CNTNAP4: variants seen among roughly 807,000 people sequenced by gnomAD.
CNTNAP4 encodes the protein contactin associated protein family member 4.
In CNTNAP4, 98 loss-of-function variants were observed where a neutral mutation model predicts 148.4. The ratio of observed to expected loss-of-function variants is 0.66; its 90% CI spans 0.56 to 0.78. CNTNAP4 has a LOEUF of 0.78. CNTNAP4 is among the 30% of genes least tolerant of loss of function. The probability of loss-of-function intolerance (pLI) is 0.00; values close to 1 mark genes in which losing one functional copy is unlikely to be tolerated. For synonymous variants in CNTNAP4, 730 were observed against 565.1 expected (o/e 1.29, Z -4.14); for missense variants, 1,935 against 1,565.6 (o/e 1.24, Z -3.98).
chr16:76,498,849 A>T (rs1231233673), intron 15 of CNTNAP4, among the ~76,000 whole-genome samples, 155 bp downstream of exon 15: 1 of 152,190 alleles, frequency 6.6e-6, no homozygotes. Context: ...AGGTGCCTTT[A>T]GTAGTCAAAT....
chr16:76,382,915 T>A (rs1456717517), intron 3 of CNTNAP4, among the ~76,000 whole-genome samples: 1 of 152,208 alleles, frequency 6.6e-6, no homozygotes, highest in Non-Finnish European at 1.5e-5. Context: ...GTGGTTAATT[T>A]GAAAAGAATT....
At chr16:76,478,286 T>C (rs189983525) in intron 11 of CNTNAP4, among the ~76,000 whole-genome samples, 67 of 152,314 alleles carry the variant, frequency 4.4e-4, no homozygotes, top group African/African-American at 1.6e-3. Flanking sequence ...CATATGCATA[T>C]GTACATAGAA....
chr16:76,451,609 G>GTGTGTGTGTGTGTT (rs1162468751), intron 7 of CNTNAP4, among the ~76,000 whole-genome samples: 1 of 150,994 alleles, frequency 6.6e-6, no homozygotes, highest in Non-Finnish European at 1.5e-5. Context: ...ATGTGTGTGT[G>GTGTGTGTGTGTGTT]TGTGTGTGTG....
intron 4 of CNTNAP4, among the ~76,000 whole-genome samples, chr16:76,445,428 C>G (rs1339657943): frequency 6.6e-6 from 1 of 152,070 alleles, no homozygotes; most frequent in Non-Finnish European, 1.5e-5. Flanking sequence ...CACACTGATT[C>G]AAACGTGATG....
chr16:76,282,015 T>C (rs1370078216), intron 1 of CNTNAP4, among the ~76,000 whole-genome samples: 1 of 151,900 alleles, frequency 6.6e-6, no homozygotes, highest in East Asian at 1.9e-4. Context: ...TCTGGCACTT[T>C]ATATAAAAAG....
chr16:76,509,291 T>C lies in CNTNAP4; in HGVS notation c.2365+10597T>C, dbSNP rs2082932245. Among the ~76,000 whole-genome samples the C allele has an allele frequency of 2.1e-5, 2 of 96,632 alleles. 1 individual carries two copies. The highest frequency in any genetic ancestry group is 5.9e-5 in the Non-Finnish European group (2 of 34,074). The allele number at this position is 96,632 out of a possible 152,430, so 63.4% of individuals were successfully genotyped here. On this transcript the variant is annotated intron_variant, in intron 15 of 23. Coordinates refer to ENST00000611870, the MANE Select transcript of CNTNAP4 (RefSeq NM_033401.5). ...GGAGCTAAGCAGTATCCCTGGTTCC[T>C]ACCCAAGAGATGCCAGTAGCATCCT...
chr16:76,420,230 G>T (rs1032960674), intron 3 of CNTNAP4, among the ~76,000 whole-genome samples: 2 of 151,770 alleles, frequency 1.3e-5, no homozygotes, highest in Non-Finnish European at 2.9e-5. Context: ...TTAGAATAAT[G>T]TATATTCTGT....
intron 10 of CNTNAP4, among the ~76,000 whole-genome samples, chr16:76,470,262 A>C (rs2081316460): frequency 6.6e-6 from 1 of 151,992 alleles, no homozygotes. Context: ...CTCTGGGTGC[A>C]AGTTAACATT....
intron 3 of CNTNAP4, among the ~76,000 whole-genome samples, chr16:76,363,028 C>T (rs540357976): frequency 7.9e-5 from 12 of 151,168 alleles, no homozygotes; most frequent in Admixed American, 4.6e-4. Context: ...CAAGACCAGC[C>T]TGGGCAATAT....
At chr16:76,542,666 T>G (rs4888521) in intron 21 of CNTNAP4, among the ~76,000 whole-genome samples, 6,828 of 152,188 alleles carry the variant, frequency 0.045, 344 homozygotes, top group East Asian at 0.27. Flanking sequence ...TTGCTGAACA[T>G]CAGGCTCACA....
At chr16:76,417,431 C>T (rs1420597425) in intron 3 of CNTNAP4, among the ~76,000 whole-genome samples, 2 of 151,332 alleles carry the variant, frequency 1.3e-5, no homozygotes, top group Admixed American at 6.6e-5. Context: ...ATTAATAATA[C>T]TATTCTACTT....
chr16:76,451,714 C>G (rs931462939), intron 7 of CNTNAP4, among the ~76,000 whole-genome samples: 1 of 150,998 alleles, frequency 6.6e-6, no homozygotes, highest in African/African-American at 2.4e-5. Context: ...TGCTGGTAAG[C>G]TATCATGCAG....
intron 9 of CNTNAP4, 87 bp from the exon 10 acceptor site, chr16:76,467,265 C>T: frequency 3.4e-6 from 4 of 1,192,878 alleles, no homozygotes; most frequent in South Asian, 2.8e-5. Flanking sequence ...TCATATGCCT[C>T]TTTCTTTTAT....
rs36032543 is a variant in CNTNAP4, at chr16:76,336,032, GA to G, written c.197-19283del. On this transcript the variant is annotated intron_variant, in intron 2 of 23. Coordinates refer to ENST00000611870, the MANE Select transcript of CNTNAP4 (RefSeq NM_033401.5). ...CCTAGGACTAACTCCAGGGTTGATG[GA>G]AAGGTAGACAAATCCCTGTAGGCAT... Among the ~76,000 whole-genome samples the G allele has an allele frequency of 3.8e-3, 575 of 152,258 alleles. 4 individuals carry two copies. Among genetic ancestry groups the G allele is most frequent in the African/African-American group, 0.013 (543 of 41,562 alleles).
intron 10 of CNTNAP4, among the ~76,000 whole-genome samples, chr16:76,472,942 C>A (rs2081426042): frequency 6.6e-6 from 1 of 152,022 alleles, no homozygotes; most frequent in Non-Finnish European, 1.5e-5. Context: ...TCATAAGTTA[C>A]CCCTGAACTT....
intron 3 of CNTNAP4, among the ~76,000 whole-genome samples, chr16:76,371,277 C>A (rs1047004076): frequency 6.6e-6 from 1 of 151,894 alleles, no homozygotes; most frequent in African/African-American, 2.4e-5. Flanking sequence ...CATCTGTTTT[C>A]GTTTTTTGTT....
intron 10 of CNTNAP4, among the ~76,000 whole-genome samples, chr16:76,468,551 G>A (rs150150577): frequency 5.3e-5 from 8 of 152,140 alleles, no homozygotes; most frequent in Non-Finnish European, 1.2e-4. Context: ...GCAGTGGTGC[G>A]ATCGTAGCTC....
At chr16:76,375,154 G>A (rs964321662) in intron 3 of CNTNAP4, among the ~76,000 whole-genome samples, 1 of 152,176 alleles carries the variant, frequency 6.6e-6, no homozygotes, top group African/African-American at 2.4e-5. Flanking sequence ...AGGTGCAGTG[G>A]CTCATGCCTG....
At chr16:76,425,450 C>T (rs1296028388) in intron 3 of CNTNAP4, among the ~76,000 whole-genome samples, 8 of 152,060 alleles carry the variant, frequency 5.3e-5, no homozygotes, top group Non-Finnish European at 2.9e-5. Context: ...CTAGGTGTTA[C>T]GGATGGAACA....
Sources: gnomAD v4.1 joint callset for allele counts (sites outside exome capture counted in the v4.1 genomes callset) on GRCh38, gnomAD v4.1.1 for gene constraint, MANE v1.5 for transcripts, NCBI Gene and HGNC (gene_info 2026-07-23, HGNC 2026-07-21) for gene names.